Variants in RBPMS observed in about 807,000 individuals in gnomAD.
The protein encoded by RBPMS is RNA-binding protein with multiple splicing.
Under a neutral mutation model 26.8 loss-of-function variants are expected in RBPMS, and 7 were observed. The ratio of observed to expected loss-of-function variants is 0.26; its 90% CI spans 0.15 to 0.49. The LOEUF is 0.49. RBPMS is among the 20% of genes least tolerant of loss of function. The pLI is 0.98. For synonymous variants in RBPMS, 96 were observed against 93.3 expected, an observed-to-expected ratio of 1.03 and a Z score of -0.17; for missense variants, 186 against 250.0, an observed-to-expected ratio of 0.74 and a Z score of 1.73.
intron 2 of RBPMS, among the ~76,000 whole-genome samples, 170 bp from the exon 3 acceptor site, chr8:30,477,628 TG>T (rs1817839208): frequency 0.083 from 4 of 48 alleles, no homozygotes; most frequent in Non-Finnish European, 0.13. Context: ...TGCAAACAGG[TG>T]TGTGTGTGTG....
At position 30,556,540 on chromosome 8, in the gene RBPMS, C is replaced by T. The variant is rs12335074; in HGVS notation, c.529-2347C>T. The T allele has an allele frequency of 0.012, 12,232 of 986,506 alleles. 949 individuals carry two copies. In the African/African-American group the frequency reaches 0.17, roughly 14 times the overall value. 61.1% of individuals were successfully genotyped at this position (986,506 alleles called of 1,614,324 possible). A position where few individuals can be genotyped will look rare whatever the true frequency, so the allele number is the denominator to read the frequency against. On this transcript the variant is annotated intron_variant, in intron 6 of 8. Coordinates refer to ENST00000397323, the MANE Select transcript of RBPMS (RefSeq NM_001008710.3). The stretch of plus-strand genomic sequence containing the variant: ...CTGTGTCTCCTGTGAAACACCGTCA[C>T]GTCTTGGCCTCGTCGGGGCTCAGCG...
chr8:30,417,311 T>G (rs1490336179), intron 1 of RBPMS, among the ~76,000 whole-genome samples: 3 of 152,186 alleles, frequency 2.0e-5, no homozygotes, highest in African/African-American at 7.2e-5. Flanking sequence ...ATGCCCTCTG[T>G]TTTTTCTTAG....
chr8:30,440,973 C>T (rs909410037), intron 1 of RBPMS, among the ~76,000 whole-genome samples: 1 of 151,426 alleles, frequency 6.6e-6, no homozygotes, highest in Non-Finnish European at 1.5e-5. Flanking sequence ...GCCCCGCCCC[C>T]CTCCAGCTAG....
At chr8:30,448,718 G>GGCTCT (rs1321523903) in intron 1 of RBPMS, among the ~76,000 whole-genome samples, 6 of 152,266 alleles carry the variant, frequency 3.9e-5, no homozygotes, top group African/African-American at 1.4e-4. Flanking sequence ...TAGTTATGTT[G>GGCTCT]AACCAAGTTA....
At chr8:30,466,327 C>A (rs1816488741) in intron 1 of RBPMS, among the ~76,000 whole-genome samples, 1 of 152,148 alleles carries the variant, frequency 6.6e-6, no homozygotes, top group Admixed American at 6.5e-5. Flanking sequence ...GTATGAAGAT[C>A]ACTTGAGATC....
At chr8:30,561,405 C>G (rs1005496853) in intron 7 of RBPMS, among the ~76,000 whole-genome samples, 1 of 152,208 alleles carries the variant, frequency 6.6e-6, no homozygotes, top group African/African-American at 2.4e-5. Context: ...CTGCTGTGAG[C>G]AGCTCCCTAT....
intron 1 of RBPMS, among the ~76,000 whole-genome samples, chr8:30,417,939 T>G (rs570797676): frequency 6.6e-6 from 1 of 152,378 alleles, no homozygotes; most frequent in Admixed American, 6.5e-5. Context: ...AAACACGATA[T>G]GTACGTTGGT....
intron 1 of RBPMS, among the ~76,000 whole-genome samples, chr8:30,437,815 G>A (rs950812992): frequency 7.1e-6 from 1 of 141,470 alleles, no homozygotes; most frequent in East Asian, 2.1e-4. Flanking sequence ...AAAGGTAGCC[G>A]AGCGTGGTGG....
In RBPMS at chr8:30,521,151, G is replaced by C. The variant is rs1201612616; in HGVS notation, c.397+16715G>C. The stretch of plus-strand genomic sequence containing the variant: ...ATTAGTTCAAAATGTTAGCTTTATA[G>C]TAGTGTGCCATTGATGGAGCATTCC... On this transcript the variant is annotated intron_variant, in intron 5 of 8. Transcript: ENST00000397323. Among the ~76,000 whole-genome samples the C allele has an allele frequency of 2.6e-5, 4 of 152,332 alleles. No individual in the cohort carries two copies. The South Asian group carries it at 8.3e-4, about 32-fold the overall frequency.
At chr8:30,413,810 A>G (rs1184218152) in intron 1 of RBPMS, among the ~76,000 whole-genome samples, 4 of 152,018 alleles carry the variant, frequency 2.6e-5, no homozygotes, top group African/African-American at 7.2e-5. Context: ...ACTGGGTTTC[A>G]TCATGTTGGC....
intron 5 of RBPMS, among the ~76,000 whole-genome samples, chr8:30,512,908 A>G (rs1185029166): frequency 6.6e-6 from 1 of 152,214 alleles, no homozygotes; most frequent in Admixed American, 6.5e-5. Flanking sequence ...AAAAAGGGGA[A>G]GGGGCCTGCC....
At chr8:30,440,479 A>G (rs1344043435) in intron 1 of RBPMS, among the ~76,000 whole-genome samples, 1 of 152,176 alleles carries the variant, frequency 6.6e-6, no homozygotes, top group Non-Finnish European at 1.5e-5. Context: ...AGTCAGCCTA[A>G]TGTACTCAAA....
At chr8:30,493,128 G>C (rs180756534) in intron 4 of RBPMS, among the ~76,000 whole-genome samples, 2 of 152,156 alleles carry the variant, frequency 1.3e-5, no homozygotes, top group African/African-American at 2.4e-5. Flanking sequence ...GACAGTGACC[G>C]ACATCAGACT....
intron 5 of RBPMS, among the ~76,000 whole-genome samples, chr8:30,515,586 C>G (rs1400469099): frequency 6.6e-6 from 1 of 152,130 alleles, no homozygotes; most frequent in African/African-American, 2.4e-5. Context: ...ATATGTAGAT[C>G]TAAAGTTTTA....
At chr8:30,436,290 C>A (rs1409915493) in intron 1 of RBPMS, among the ~76,000 whole-genome samples, 1 of 152,096 alleles carries the variant, frequency 6.6e-6, no homozygotes, top group Non-Finnish European at 1.5e-5. Context: ...ATGGACAGTT[C>A]CAATGGTTGC....
chr8:30,563,597 C>G (rs75895721), intron 7 of RBPMS, among the ~76,000 whole-genome samples: 2 of 152,192 alleles, frequency 1.3e-5, no homozygotes, highest in South Asian at 4.1e-4. Context: ...GTTACAGCCT[C>G]CCCAGATTGG....
intron 6 of RBPMS, among the ~76,000 whole-genome samples, chr8:30,548,039 C>T (rs755374617): frequency 1.1e-4 from 16 of 152,204 alleles, no homozygotes; most frequent in Non-Finnish European, 2.4e-4. Flanking sequence ...GGACTGAAAG[C>T]CTCAGTACTG....
At chr8:30,566,453 G>A (rs1827891645) in intron 8 of RBPMS, 93 bp downstream of exon 8, 1 of 233,476 alleles carries the variant, frequency 4.3e-6, no homozygotes, top group East Asian at 1.8e-4. Flanking sequence ...TGGCATTCCA[G>A]GTGCTCGTGC....
At chr8:30,492,287 C>A (rs1819482143) in intron 4 of RBPMS, among the ~76,000 whole-genome samples, 1 of 152,154 alleles carries the variant, frequency 6.6e-6, no homozygotes, top group African/African-American at 2.4e-5. Context: ...CACTTTCACA[C>A]ATGCATGCAT....
Sources: gnomAD v4.1 joint callset for allele counts (sites outside exome capture counted in the v4.1 genomes callset) on GRCh38, gnomAD v4.1.1 for gene constraint, MANE v1.5 for transcripts, NCBI Gene and HGNC (gene_info 2026-07-23, HGNC 2026-07-21) for gene names.